The following AR variants were observed in gnomAD, a reference collection of about 807,000 sequenced individuals.
AR encodes the protein androgen receptor, also known as dihydrotestosterone receptor.
Under a neutral mutation model 53.9 loss-of-function variants are expected in AR, and 8 were observed. The ratio of observed to expected loss-of-function variants is 0.15; its 90% confidence interval spans 0.09 to 0.27. The LOEUF (loss-of-function observed/expected upper bound fraction) is 0.27. Ranked by LOEUF, AR falls within the 10% of genes least tolerant of loss-of-function variation. The pLI, the probability that AR is intolerant of heterozygous loss-of-function variation, is 1.00. For missense variants in AR, 639 were observed against 742.5 expected (o/e 0.86, Z 1.62); for synonymous variants, 359 against 316.4 (o/e 1.13, Z -1.43).
intron 2 of AR, among the ~76,000 whole-genome samples, chrX:67,662,568 A>T (rs1161404472): frequency 9.0e-6 from 1 of 111,024 alleles, no homozygotes; most frequent in Admixed American, 9.6e-5. Flanking sequence ...AGTTTGTTAT[A>T]ATTTCTGTTC....
intron 5 of AR, among the ~76,000 whole-genome samples, chrX:67,720,781 G>C (rs1400679988): frequency 9.2e-6 from 1 of 108,857 alleles, no homozygotes; most frequent in Non-Finnish European, 1.9e-5. Flanking sequence ...TCAAACCATA[G>C]CCTTTAGGCT....
intron 6 of AR, 85 bp downstream of exon 6, chrX:67,722,048 G>T: frequency 9.2e-7 from 1 of 1,089,348 alleles, no homozygotes; most frequent in Non-Finnish European, 1.3e-6. Context: ...CATTATTAGG[G>T]AAAAGCCAGC....
intron 2 of AR, among the ~76,000 whole-genome samples, chrX:67,682,934 A>G (rs2075944632): frequency 8.9e-6 from 1 of 112,218 alleles, no homozygotes; most frequent in African/African-American, 3.2e-5. Flanking sequence ...TTCTGTCACT[A>G]TTATGTGTCA....
At chrX:67,624,930 A>G (rs913238723) in intron 1 of AR, among the ~76,000 whole-genome samples, 14 of 105,361 alleles carry the variant, frequency 1.3e-4, no homozygotes, top group African/African-American at 3.8e-4. Flanking sequence ...AAAAAAAAAA[A>G]AAAAGAAAGA....
At position 67,726,082 on chromosome X, in the gene AR, A is replaced by T; in HGVS notation, c.*2241A>T. The T allele has an allele frequency of 5.7e-6, 1 of 175,853 alleles. No homozygotes were observed. Among genetic ancestry groups the T allele is most frequent in the Non-Finnish European group, 1.1e-5 (1 of 91,707 alleles). 14.5% of individuals were successfully genotyped at this position (175,853 alleles called of 1,213,427 possible). ...TCTGAGTGACATGATATGATCCACA[A>T]GGGTTTCCTTCCCTGATTTCTGCAT... On this transcript the variant is annotated 3_prime_UTR_variant, in exon 8 of 8. Coordinates refer to ENST00000374690, the MANE Select transcript of AR (RefSeq NM_000044.6).
intron 1 of AR, among the ~76,000 whole-genome samples, chrX:67,594,010 T>C (rs1426798438): frequency 8.9e-6 from 1 of 112,070 alleles, no homozygotes; most frequent in Non-Finnish European, 1.9e-5. Context: ...AGTGCCTTTT[T>C]TTGAGACAAA....
intron 1 of AR, among the ~76,000 whole-genome samples, chrX:67,580,522 C>T (rs1829049718): frequency 1.8e-5 from 2 of 111,312 alleles, no homozygotes; most frequent in South Asian, 3.8e-4. Context: ...GAAAGTTGTT[C>T]GCTAGTTACT....
At chrX:67,643,857 G>A (rs1377550585) in intron 2 of AR, among the ~76,000 whole-genome samples, 1 of 111,578 alleles carries the variant, frequency 9.0e-6, no homozygotes, top group African/African-American at 3.3e-5. Flanking sequence ...CTCGGCCCCA[G>A]AAAGGGAGTG....
At chrX:67,701,818 A>C (rs757986907) in intron 3 of AR, among the ~76,000 whole-genome samples, 8 of 112,236 alleles carry the variant, frequency 7.1e-5, no homozygotes, top group Non-Finnish European at 1.3e-4. Context: ...TCATGCTGAA[A>C]ATCTTTAAGC....
rs2076168093 is a variant in AR, at chrX:67,728,604, T to TATATATATATATATAC, written c.*4774_*4775insTATACATATATATATA. 1.1e-5 allele frequency: 1 copy of TATATATATATATATAC among 94,086 alleles called. No homozygotes were observed. The highest frequency in any genetic ancestry group is 1.2e-4 in the Admixed American group (1 of 8,033). The allele number at this position is 94,086 out of a possible 1,213,427, so 7.8% of individuals were successfully genotyped here. A position where few individuals can be genotyped will look rare whatever the true frequency, so the allele number is the denominator to read the frequency against. On this transcript the variant is annotated 3_prime_UTR_variant, in exon 8 of 8. Transcript: ENST00000374690. ...ATATATATATATATATATATATATA[T>TATATATATATATATAC]ATATATATATAGTGTGTGTGTGTGT...
chrX:67,715,427 C>G (rs2076109155), intron 4 of AR, among the ~76,000 whole-genome samples: 1 of 111,027 alleles, frequency 9.0e-6, no homozygotes, highest in Non-Finnish European at 1.9e-5. Context: ...TCTAGAATCC[C>G]TGATACCTGG....
chrX:67,664,753 G>C (rs1161080603), intron 2 of AR, among the ~76,000 whole-genome samples: 1 of 112,518 alleles, frequency 8.9e-6, no homozygotes, highest in Non-Finnish European at 1.9e-5. Context: ...TTGAGCTGTG[G>C]TGGGCTCCAC....
At chrX:67,629,835 G>A (rs1924963214) in intron 1 of AR, among the ~76,000 whole-genome samples, 1 of 111,030 alleles carries the variant, frequency 9.0e-6, no homozygotes, top group African/African-American at 3.3e-5. Flanking sequence ...CTGGTATGTT[G>A]TGTCTTTGTT....
In AR at chrX:67,706,800, C is replaced by G. The variant is rs1370705405; in HGVS notation, c.1886-4602C>G. ...GTGGGAATTTGGTGCTATAAATTTC[C>G]CTCTACACACTACTTTAAATGTGTC... On this transcript the variant is annotated intron_variant, in intron 3 of 7. Transcript: ENST00000374690. Among the ~76,000 whole-genome samples the G allele has an allele frequency of 2.3e-3, 261 of 111,723 alleles. 14 individuals are homozygous for G. Among genetic ancestry groups the G allele is most frequent in the Non-Finnish European group, 1.8e-3 (96 of 53,139 alleles).
At chrX:67,555,319 A>G (rs1930155540) in intron 1 of AR, among the ~76,000 whole-genome samples, 1 of 112,018 alleles carries the variant, frequency 8.9e-6, no homozygotes, top group Admixed American at 9.5e-5. Context: ...AAAGATCTTG[A>G]TGTATATTTT....
chrX:67,546,068 G>C lies in AR; in HGVS notation c.922G>C (p.Glu308Gln), dbSNP rs2147319146. The C allele has an allele frequency of 4.1e-6, 5 of 1,212,386 alleles. No individual in the cohort carries two copies. The highest frequency in any genetic ancestry group is 4.5e-6 in the Non-Finnish European group (4 of 895,649). ...AGGCAAGAGCACTGAAGATACTGCT[G>C]AGTATTCCCCTTTCAAGGGAGGTTA... ...SAGKSTEDTA[E>Q]YSPFKGGYTK... The change falls in exon 1 of 8, where the codon GAG (glutamate) becomes CAG (glutamine). Residue 308 changes from glutamate (E) to glutamine (Q), a missense_variant. Physicochemically the swap from Glu to Gln is conservative, Grantham distance 29. Transcript: ENST00000374690.
chrX:67,648,829 A>G (rs1926190241), intron 2 of AR, among the ~76,000 whole-genome samples: 1 of 112,282 alleles, frequency 8.9e-6, no homozygotes, highest in Non-Finnish European at 1.9e-5. Flanking sequence ...TTTTGAGTCC[A>G]TTGCCTTCTG....
intron 2 of AR, chrX:67,680,613 C>G (rs1391157512): frequency 2.0e-4 from 62 of 312,261 alleles, no homozygotes; most frequent in Non-Finnish European, 2.0e-4. Flanking sequence ...TCAGGATTCT[C>G]TGTAGGTTAA....
intron 1 of AR, among the ~76,000 whole-genome samples, chrX:67,568,531 A>C (rs1311950573): frequency 9.0e-6 from 1 of 111,118 alleles, no homozygotes; most frequent in African/African-American, 3.3e-5. Flanking sequence ...TTTCTACTGC[A>C]CTCTGGGGAC....
Sources: gnomAD v4.1 joint callset for allele counts (sites outside exome capture counted in the v4.1 genomes callset) on GRCh38, gnomAD v4.1.1 for gene constraint, MANE v1.5 for transcripts, NCBI Gene and HGNC (gene_info 2026-07-23, HGNC 2026-07-21) for gene names.